DESI2: variants seen among roughly 807,000 people sequenced by gnomAD.
The protein encoded by DESI2 is desumoylating isopeptidase 2.
Under a neutral mutation model 24.1 loss-of-function variants are expected in DESI2, and 10 were observed. The observed-to-expected ratio is 0.41, with a 90% CI of 0.26 to 0.70. The LOEUF (loss-of-function observed/expected upper bound fraction) is 0.70. DESI2 is among the 30% of genes least tolerant of loss of function. The probability of loss-of-function intolerance (pLI) is 0.29; values close to 1 mark genes in which losing one functional copy is unlikely to be tolerated. For missense variants in DESI2, 122 were observed against 234.9 expected, an observed-to-expected ratio of 0.52 and a Z score of 3.14; for synonymous variants, 71 against 87.7, an observed-to-expected ratio of 0.81 and a Z score of 1.06.
intron 1 of DESI2, among the ~76,000 whole-genome samples, chr1:244,683,139 G>A (rs908680777): frequency 1.3e-5 from 2 of 152,016 alleles, no homozygotes; most frequent in Non-Finnish European, 2.9e-5. Flanking sequence ...CATCACCAGG[G>A]GGATGGTGGA....
At chr1:244,655,498 T>C (rs961064897) in intron 1 of DESI2, among the ~76,000 whole-genome samples, 12 of 152,224 alleles carry the variant, frequency 7.9e-5, no homozygotes, top group Non-Finnish European at 1.2e-4. Flanking sequence ...CCATTACTTA[T>C]TATTTTTGAC....
At chr1:244,683,457 G>A (rs866345439) in intron 1 of DESI2, among the ~76,000 whole-genome samples, 3 of 151,784 alleles carry the variant, frequency 2.0e-5, no homozygotes, top group Non-Finnish European at 2.9e-5. Flanking sequence ...GACTACAAGT[G>A]CCCGCCATCA....
At chr1:244,656,981 T>C (rs1675669272) in intron 1 of DESI2, among the ~76,000 whole-genome samples, 2 of 152,068 alleles carry the variant, frequency 1.3e-5, no homozygotes, top group Non-Finnish European at 2.9e-5. Flanking sequence ...CCATGTTGGC[T>C]AGGCTTTTCT....
chr1:244,694,098 T>C (rs1455088701), intron 4 of DESI2, among the ~76,000 whole-genome samples: 2 of 152,328 alleles, frequency 1.3e-5, no homozygotes, highest in Admixed American at 1.3e-4. Flanking sequence ...TATTAATAAT[T>C]GATTGTTGAT....
intron 1 of DESI2, chr1:244,656,358 T>G (rs1043209310): frequency 2.6e-5 from 4 of 152,248 alleles, no homozygotes; most frequent in African/African-American, 7.2e-5. Flanking sequence ...AAAATAATTC[T>G]ATTGGGGGTC....
At chr1:244,655,301 A>C (rs1675607671) in intron 1 of DESI2, among the ~76,000 whole-genome samples, 1 of 152,240 alleles carries the variant, frequency 6.6e-6, no homozygotes, top group South Asian at 2.1e-4. Flanking sequence ...CCAAAATCTG[A>C]TTCACTATCT....
intron 1 of DESI2, among the ~76,000 whole-genome samples, chr1:244,677,587 TA>T (rs1401972053): frequency 1.3e-5 from 2 of 152,110 alleles, no homozygotes; most frequent in African/African-American, 4.8e-5. Context: ...TTGCACAGAA[TA>T]TTGAAACAGA....
intron 1 of DESI2, among the ~76,000 whole-genome samples, chr1:244,656,861 GCCTC>G (rs2148777693): frequency 1.3e-5 from 2 of 152,216 alleles, no homozygotes; most frequent in Admixed American, 1.3e-4. Flanking sequence ...AGCAACCTCT[GCCTC>G]CCCAGTTCAA....
At chr1:244,655,772 G>C (rs983947954) in intron 1 of DESI2, among the ~76,000 whole-genome samples, 14 of 152,248 alleles carry the variant, frequency 9.2e-5, no homozygotes, top group African/African-American at 3.4e-4. Flanking sequence ...AATAGGGAAA[G>C]CGCAGGTGGG....
At chr1:244,702,182 T>A (rs918495863) in intron 4 of DESI2, among the ~76,000 whole-genome samples, 5 of 152,204 alleles carry the variant, frequency 3.3e-5, no homozygotes, top group Non-Finnish European at 7.3e-5. Context: ...GTAGCAATGC[T>A]AAGTGACCTA....
intron 1 of DESI2, among the ~76,000 whole-genome samples, chr1:244,664,493 C>T (rs1675975250): frequency 6.6e-6 from 1 of 152,212 alleles, no homozygotes; most frequent in Non-Finnish European, 1.5e-5. Flanking sequence ...GGCCTGTAAT[C>T]CCAGCACTTT....
chr1:244,653,460 C>T, intron 1 of DESI2, 105 bp downstream of exon 1: 1 of 1,239,042 alleles, frequency 8.1e-7, no homozygotes, highest in South Asian at 1.4e-5. Flanking sequence ...GCGTCTCCGC[C>T]TCCAGCCTAG....
Position 244,707,681 on chromosome 1 carries a change from A to G in DESI2, c.*1892A>G, listed in dbSNP as rs1260130021. On this transcript the variant is annotated 3_prime_UTR_variant, in exon 5 of 5. Transcript: ENST00000302550. ...GAGTACAGTGTTTTCTAATTCATTC[A>G]AGTATATATGATTTAAACCTGGGCT... 6.6e-6 allele frequency: 1 copy of G among 152,178 alleles called. No homozygotes were observed. The highest frequency in any genetic ancestry group is 1.5e-5 in the Non-Finnish European group (1 of 68,048). The allele number at this position is 152,178 out of a possible 1,614,324, so 9.4% of individuals were successfully genotyped here.
At chr1:244,667,513 A>G (rs1393092723) in intron 1 of DESI2, among the ~76,000 whole-genome samples, 1 of 152,182 alleles carries the variant, frequency 6.6e-6, no homozygotes, top group African/African-American at 2.4e-5. Flanking sequence ...GCTAGGTATT[A>G]TTACTATTCC....
In DESI2 at chr1:244,689,193, AT is replaced by A. The variant is rs1676932658; in HGVS notation, c.116-54del. ...CCTCAATTATTAAAGCTAATTCAGC[AT>A]TCTGGTTAAATTTTATGTGATACAT... is the stretch of plus-strand genomic sequence containing the variant. On this transcript the variant is annotated intron_variant, in intron 2 of 4. Coordinates refer to ENST00000302550, the MANE Select transcript of DESI2 (RefSeq NM_016076.5). This position sits in a 1 kb window ranked among gnomAD's most constrained non-coding sequence, Gnocchi z 4.0. The A allele has an allele frequency of 1.2e-6, 1 of 859,654 alleles. No homozygotes were observed. Among genetic ancestry groups the A allele is most frequent in the African/African-American group, 1.7e-5 (1 of 59,354 alleles). 53.3% of individuals were successfully genotyped at this position (859,654 alleles called of 1,614,324 possible).
chr1:244,695,141 G>A (rs908306094), intron 4 of DESI2, among the ~76,000 whole-genome samples: 2 of 152,282 alleles, frequency 1.3e-5, no homozygotes, highest in Admixed American at 1.3e-4. Flanking sequence ...TTCAGATAGA[G>A]GCAACAATTT....
At chr1:244,687,138 G>A (rs1010936366) in intron 2 of DESI2, among the ~76,000 whole-genome samples, 2 of 152,132 alleles carry the variant, frequency 1.3e-5, no homozygotes, top group African/African-American at 4.8e-5. Flanking sequence ...AGACCTATAC[G>A]TCTTATAAAA....
chr1:244,681,828 T>C (rs955610927), intron 1 of DESI2, among the ~76,000 whole-genome samples: 1 of 152,232 alleles, frequency 6.6e-6, no homozygotes, highest in Non-Finnish European at 1.5e-5. Flanking sequence ...TTCATTTGTT[T>C]TTGTTTGACT....
At chr1:244,693,144 A>G (rs940484461) in intron 4 of DESI2, among the ~76,000 whole-genome samples, 6 of 152,200 alleles carry the variant, frequency 3.9e-5, no homozygotes, top group Non-Finnish European at 8.8e-5. Context: ...ACAGACCCCA[A>G]TTGGGAAAAT....
Sources: allele counts gnomAD v4.1 joint callset (sites outside exome capture counted in the v4.1 genomes callset), GRCh38; gene constraint gnomAD v4.1.1; non-coding constraint Gnocchi (gnomAD v3.1); transcripts MANE v1.5; gene names NCBI Gene and HGNC (gene_info 2026-07-23, HGNC 2026-07-21).